Variants in AADACL3 observed in about 807,000 individuals in gnomAD.
AADACL3 encodes the protein arylacetamide deacetylase like 3.
AADACL3 carries 13 observed loss-of-function variants against 13.6 expected under a neutral mutation model. The ratio of observed to expected loss-of-function variants is 0.95; its 90% CI spans 0.62 to 1.52. The LOEUF is 1.52. AADACL3 is among the 40% of genes most tolerant of loss of function. The pLI, the probability that AADACL3 is intolerant of heterozygous loss-of-function variation, is 0.00. For synonymous variants in AADACL3, 195 were observed against 197.0 expected (o/e 0.99, Z 0.08); for missense variants, 519 against 499.2 (o/e 1.04, Z -0.38).
Position 12,725,336 on chromosome 1 carries a change from G to A in AADACL3, c.564G>A (p.Val188=), listed in dbSNP as rs745572674. ...DAYGVDPARV[V]VCGDSFGGAI... ...ATGGAGTGGATCCAGCCCGGGTTGTGGTCTGCGGTGACAGTTTCGGAGGGG... is the reference window on the plus strand; with the variant it reads ...ATGGAGTGGATCCAGCCCGGGTTGTAGTCTGCGGTGACAGTTTCGGAGGGG... Residue 188 remains valine, a synonymous_variant, in exon 4 of 4, where the codon GTG becomes GTA. Transcript: ENST00000359318. 6.2e-7 allele frequency: 1 copy of A among 1,614,108 alleles called. No homozygotes were observed. Among genetic ancestry groups the A allele is most frequent in the Non-Finnish European group, 8.5e-7 (1 of 1,180,006 alleles).
At chr1:12,718,908 C>CCCT (rs57173338) in intron 1 of AADACL3, among the ~76,000 whole-genome samples, 1,557 of 152,300 alleles carry the variant, frequency 0.01, 16 homozygotes, top group East Asian at 0.053. Context: ...TTCCCTGTGT[C>CCCT]CCTAAATGTC....
In AADACL3 at chr1:12,725,530, T is replaced by C; in HGVS notation, c.758T>C (p.Phe253Ser). ...ACCTGGAGTTTCATCTGCTACTTTT[T>C]TTTTCAAAACCTGGATTTCAGCTCC... ...LLTWSFICYF[F>S]FQNLDFSSSW... Residue 253 changes from phenylalanine (F) to serine (S), a missense_variant, in exon 4 of 4, where the codon TTT (phenylalanine) becomes TCT (serine). By Grantham distance (155) the Phe-to-Ser change is radical. Coordinates refer to ENST00000359318, the MANE Select transcript of AADACL3 (RefSeq NM_001103170.3). 1 of 1,614,124 alleles carries C rather than the reference T, an allele frequency of 6.2e-7. No individual in the cohort carries two copies. Among genetic ancestry groups the C allele is most frequent in the Non-Finnish European group, 8.5e-7 (1 of 1,180,026 alleles).
intron 3 of AADACL3, among the ~76,000 whole-genome samples, chr1:12,721,984 TG>T (rs1351001148): frequency 6.6e-6 from 1 of 152,034 alleles, no homozygotes; most frequent in Admixed American, 6.6e-5. Context: ...TGCATCTCAG[TG>T]GGGGTACATC....
rs776578060 is a variant in AADACL3 at position 12,725,684 on chromosome 1, T to A, written c.912T>A (p.His304Gln). 6.2e-6 allele frequency: 10 copies of A among 1,614,034 alleles called. No homozygotes were observed. Among genetic ancestry groups the A allele is most frequent in the South Asian group, 2.2e-5 (2 of 91,088 alleles). ...FKERGYQLKP[H>Q]EPMNEAAYLE... ...AGAGGGGTTACCAACTGAAGCCCCA[T>A]GAGCCCATGAATGAAGCTGCTTACT... Residue 304 changes from histidine to glutamine, a missense_variant, in exon 4 of 4, where the codon CAT becomes CAA. His to Gln is a conservative substitution (Grantham distance 24). Transcript: ENST00000359318.
chr1:12,721,751 A>G (rs931679207), intron 3 of AADACL3, among the ~76,000 whole-genome samples: 1 of 152,150 alleles, frequency 6.6e-6, no homozygotes, highest in African/African-American at 2.4e-5. Context: ...CCTGGCTGAG[A>G]CCCACTGAAG....
At position 12,727,376 on chromosome 1, in the gene AADACL3, C is replaced by T. The variant is rs1341784812; in HGVS notation, c.*1380C>T. The T allele has an allele frequency of 1.3e-5, 2 of 152,178 alleles. No homozygotes were observed. 9.4% of individuals were successfully genotyped at this position (152,178 alleles called of 1,614,324 possible). A position where few individuals can be genotyped will look rare whatever the true frequency, so the allele number is the denominator to read the frequency against. On this transcript the variant is annotated 3_prime_UTR_variant, in exon 4 of 4. Coordinates refer to ENST00000359318, the MANE Select transcript of AADACL3 (RefSeq NM_001103170.3). Reference sequence around the variant, plus strand: ...TGTTGGGTGGACACCAACACTTATTCTACTACAGAAGCTAAATTGAACCCT... The same window carrying T: ...TGTTGGGTGGACACCAACACTTATTTTACTACAGAAGCTAAATTGAACCCT...
Position 12,725,557 on chromosome 1 carries a change from C to T in AADACL3, c.785C>T (p.Ser262Phe), listed in dbSNP as rs779983257. 3.7e-6 allele frequency: 6 copies of T among 1,613,980 alleles called. No homozygotes were observed. The highest frequency in any genetic ancestry group is 4.2e-6 in the Non-Finnish European group (5 of 1,180,032). The change falls in exon 4 of 4, where the codon TCC (serine) becomes TTC (phenylalanine). Residue 262 changes from serine (S) to phenylalanine (F), a missense_variant. Ser to Phe is a radical substitution (Grantham distance 155, BLOSUM62 -2). Transcript: ENST00000359318. ...FFFQNLDFSS[S>F]WQEVIMKGAH... ...TTTCAAAACCTGGATTTCAGCTCCT[C>T]CTGGCAAGAGGTCATCATGAAAGGT...
At chr1:12,717,758 C>G (rs1057368789) in intron 1 of AADACL3, among the ~76,000 whole-genome samples, 1 of 152,136 alleles carries the variant, frequency 6.6e-6, no homozygotes, top group South Asian at 2.1e-4. Context: ...GTCAGGGGAG[C>G]CGAGCAGGGC....
intron 1 of AADACL3, among the ~76,000 whole-genome samples, chr1:12,718,395 G>A (rs951456373): frequency 1.3e-5 from 2 of 151,062 alleles, no homozygotes; most frequent in Non-Finnish European, 2.9e-5. Flanking sequence ...TCTCAAATGA[G>A]GCCTGCAGCT....
intron 1 of AADACL3, among the ~76,000 whole-genome samples, chr1:12,717,780 G>T (rs1010151600): frequency 1.3e-5 from 2 of 152,148 alleles, no homozygotes; most frequent in Non-Finnish European, 2.9e-5. Context: ...TCTCTCCTGG[G>T]GCATCTTGAG....
rs1231536796 is a variant in AADACL3, at chr1:12,728,487, A to C, written c.*2491A>C. ...TACCTTGTTGCTGAAAAATGCTAAC[A>C]ATCATCTGAGCCTTCAGTGATTGCA... On this transcript the variant is annotated 3_prime_UTR_variant, in exon 4 of 4. Transcript: ENST00000359318. The C allele has an allele frequency of 6.6e-6, 1 of 152,228 alleles. No homozygotes were observed. Among genetic ancestry groups the C allele is most frequent in the Non-Finnish European group, 1.5e-5 (1 of 68,054 alleles). 9.4% of individuals were successfully genotyped at this position (152,228 alleles called of 1,614,324 possible).
Position 12,725,922 on chromosome 1 carries a change from G to A in AADACL3, c.1150G>A (p.Asp384Asn). The change falls in exon 4 of 4, where the codon GAC (aspartate) becomes AAC (asparagine). Residue 384 changes from aspartate to asparagine, a missense_variant. Transcript: ENST00000359318. Reference sequence around the variant, plus strand: ...TTTCCATGGAGTGCTCAGGACCATTGACATGAGCTTCTTGCACTTTCCCTG... The same window carrying A: ...TTTCCATGGAGTGCTCAGGACCATTAACATGAGCTTCTTGCACTTTCCCTG... ...DGFHGVLRTI[D>N]MSFLHFPCSM... is the part of the protein sequence containing the mutation. 6.2e-7 allele frequency: 1 copy of A among 1,614,098 alleles called. No homozygotes were observed. The highest frequency in any genetic ancestry group is 8.5e-7 in the Non-Finnish European group (1 of 1,180,020).
rs1436435839 is a variant in AADACL3, at chr1:12,726,625, G to C, written c.*629G>C. ...GCTTCCACAGTGGTTGGCATCTAGTGGTGGATGAAGACAGCCTGCAGCTGC... is the reference window on the plus strand; with the variant it reads ...GCTTCCACAGTGGTTGGCATCTAGTCGTGGATGAAGACAGCCTGCAGCTGC... On this transcript the variant is annotated 3_prime_UTR_variant, in exon 4 of 4. Coordinates refer to ENST00000359318, the MANE Select transcript of AADACL3 (RefSeq NM_001103170.3). The C allele has an allele frequency of 2.0e-5, 3 of 152,250 alleles. No homozygotes were observed. Among genetic ancestry groups the C allele is most frequent in the Non-Finnish European group, 4.4e-5 (3 of 68,082 alleles). 9.4% of individuals were successfully genotyped at this position (152,250 alleles called of 1,614,324 possible).
At position 12,716,229 on chromosome 1, in the gene AADACL3, G is replaced by T. The variant is rs977482821; in HGVS notation, c.53G>T (p.Gly18Val). ...FLAAACVFSLGVTLWVICSHF... is the reference protein window; with the variant it reads ...FLAAACVFSLVVTLWVICSHF... Reference sequence around the variant, plus strand: ...GCAGCAGCCTGCGTGTTCTCACTAGGGGTCACTCTGTGGGTCATTTGCAGC... The same window carrying T: ...GCAGCAGCCTGCGTGTTCTCACTAGTGGTCACTCTGTGGGTCATTTGCAGC... Residue 18 changes from glycine to valine, a missense_variant, in exon 1 of 4, where the codon GGG becomes GTG. Physicochemically the swap from Gly to Val is moderately radical, Grantham distance 109 (BLOSUM62 -3). Coordinates refer to ENST00000359318, the MANE Select transcript of AADACL3 (RefSeq NM_001103170.3). 5.9e-6 allele frequency: 8 copies of T among 1,355,064 alleles called. No homozygotes were observed. The African/African-American group carries it at 1.1e-4, about 19-fold the overall frequency. 83.9% of individuals were successfully genotyped at this position (1,355,064 alleles called of 1,614,324 possible). A position where few individuals can be genotyped will look rare whatever the true frequency, so the allele number is the denominator to read the frequency against.
At chr1:12,720,307 C>A (rs117473550) in intron 2 of AADACL3, among the ~76,000 whole-genome samples, 48 of 152,054 alleles carry the variant, frequency 3.2e-4, no homozygotes, top group African/African-American at 8.7e-4. Flanking sequence ...AGTGTGGGAG[C>A]CTTTGAGAAT....
intron 1 of AADACL3, among the ~76,000 whole-genome samples, chr1:12,718,890 T>C (rs887267085): frequency 6.6e-6 from 1 of 152,216 alleles, no homozygotes; most frequent in African/African-American, 2.4e-5. Flanking sequence ...ACTCCTGGCC[T>C]GTCTCCCTTC....
rs1449623009 is a variant in AADACL3, at chr1:12,716,439, G to A, written c.168+95G>A. The stretch of plus-strand genomic sequence containing the variant: ...GGAAGCTTCTAGCTGAATGAACACC[G>A]GTATCATGGGGCCTGCAGTGACAGC... On this transcript the variant is annotated intron_variant, in intron 1 of 3. Coordinates refer to ENST00000359318, the MANE Select transcript of AADACL3 (RefSeq NM_001103170.3). 68 of 1,505,164 alleles carry A rather than the reference G, an allele frequency of 4.5e-5. 2 individuals carry two copies. In the Admixed American group the frequency reaches 8.9e-4, roughly 20 times the overall value. 93.2% of individuals were successfully genotyped at this position (1,505,164 alleles called of 1,614,324 possible).
In AADACL3 at chr1:12,728,111, C is replaced by G. The variant is rs539902024; in HGVS notation, c.*2115C>G. The G allele has an allele frequency of 6.6e-6, 1 of 152,352 alleles. No individual in the cohort carries two copies. Among genetic ancestry groups the G allele is most frequent in the African/African-American group, 2.4e-5 (1 of 41,576 alleles). The allele number at this position is 152,352 out of a possible 1,614,324, so 9.4% of individuals were successfully genotyped here. The stretch of plus-strand genomic sequence containing the variant: ...TGATTTTGGGATGAAATTCTCCACT[C>G]CTCTCCTTTACCACATCACCACTAT... On this transcript the variant is annotated 3_prime_UTR_variant, in exon 4 of 4. Transcript: ENST00000359318.
Position 12,726,110 on chromosome 1 carries a change from GGTT to G in AADACL3, c.*116_*118del. 8.3e-7 allele frequency: 1 copy of G among 1,204,996 alleles called. No individual in the cohort carries two copies. The highest frequency in any genetic ancestry group is 2.7e-5 in the Admixed American group (1 of 37,472). The allele number at this position is 1,204,996 out of a possible 1,614,324, so 74.6% of individuals were successfully genotyped here. ...ATAGTGGGGCTAGGGAGGGGGTAGA[GGTT>G]GCTGTCACCTTTCTGGTCCAGGTTC... On this transcript the variant is annotated 3_prime_UTR_variant, in exon 4 of 4. Coordinates refer to ENST00000359318, the MANE Select transcript of AADACL3 (RefSeq NM_001103170.3).
Sources: gnomAD v4.1 joint callset for allele counts (sites outside exome capture counted in the v4.1 genomes callset) on GRCh38, gnomAD v4.1.1 for gene constraint, MANE v1.5 for transcripts, NCBI Gene and HGNC (gene_info 2026-07-23, HGNC 2026-07-21) for gene names.